The following PBX3 variants were observed in gnomAD, a reference collection of about 807,000 sequenced individuals.
PBX3 encodes pre-B-cell leukemia transcription factor 3.
Under a neutral mutation model 48.5 loss-of-function variants are expected in PBX3, and 14 were observed. The ratio of observed to expected loss-of-function variants is 0.29; its 90% CI spans 0.19 to 0.45. The LOEUF (loss-of-function observed/expected upper bound fraction) is 0.45, where lower values mean the gene tolerates loss of function less well. Among genes scored for constraint, PBX3 ranks in the 20% least tolerant of loss-of-function variants. The pLI is 1.00. For missense variants in PBX3, 386 were observed against 546.7 expected (o/e 0.71, Z 2.93); for synonymous variants, 210 against 200.3 (o/e 1.05, Z -0.41).
At chr9:125,916,053 G>A (rs73667298) in intron 3 of PBX3, 126 bp downstream of exon 3, 28,750 of 1,347,140 alleles carry the variant, frequency 0.021, 1,848 homozygotes, top group East Asian at 0.17. Flanking sequence ...AATAAGGTCA[G>A]TGCAAAAATC....
intron 2 of PBX3, among the ~76,000 whole-genome samples, chr9:125,872,597 A>G (rs1840151724): frequency 6.6e-6 from 1 of 151,926 alleles, no homozygotes; most frequent in South Asian, 2.1e-4. Flanking sequence ...CCATCTCACA[A>G]AAAAATTTTA....
intron 8 of PBX3, among the ~76,000 whole-genome samples, chr9:125,965,599 A>C (rs1842514252): frequency 6.6e-6 from 1 of 152,228 alleles, no homozygotes. Flanking sequence ...GCCTCGCTGA[A>C]GCCCTTCTTC....
chr9:125,790,074 T>C (rs1837557317), intron 2 of PBX3, among the ~76,000 whole-genome samples: 1 of 152,126 alleles, frequency 6.6e-6, no homozygotes, highest in South Asian at 2.1e-4. Context: ...TGCAAAGAAA[T>C]ACGTGGATTA....
intron 2 of PBX3, among the ~76,000 whole-genome samples, chr9:125,848,905 A>G (rs947706204): frequency 3.6e-4 from 55 of 152,018 alleles, no homozygotes; most frequent in African/African-American, 1.3e-3. Context: ...TCAAGTATCT[A>G]TTAGCTTTTA....
chr9:125,941,223 G>A (rs561177413), intron 5 of PBX3, among the ~76,000 whole-genome samples: 23 of 152,298 alleles, frequency 1.5e-4, no homozygotes, highest in Admixed American at 1.2e-3. Context: ...GAACATTCTA[G>A]CAGAGGGAAC....
chr9:125,796,930 A>C (rs984485726), intron 2 of PBX3, among the ~76,000 whole-genome samples: 1 of 152,116 alleles, frequency 6.6e-6, no homozygotes, highest in African/African-American at 2.4e-5. Context: ...CATATTTAAA[A>C]ATTTAGATTT....
chr9:125,775,257 ACTTTT>A (rs1360049782), intron 2 of PBX3, among the ~76,000 whole-genome samples: 3 of 152,134 alleles, frequency 2.0e-5, no homozygotes, highest in African/African-American at 7.2e-5. Context: ...CTGTGGTTTT[ACTTTT>A]CTTTTCTCTA....
intron 2 of PBX3, among the ~76,000 whole-genome samples, chr9:125,795,467 G>T (rs904162218): frequency 1.3e-5 from 2 of 152,122 alleles, no homozygotes; most frequent in Non-Finnish European, 2.9e-5. Flanking sequence ...ATATGCTCTA[G>T]AGTTAACCAT....
chr9:125,814,924 A>G (rs1451080587), intron 2 of PBX3, among the ~76,000 whole-genome samples: 1 of 152,188 alleles, frequency 6.6e-6, no homozygotes, highest in Non-Finnish European at 1.5e-5. Context: ...ACTATTCCCA[A>G]TTGCCATTCT....
chr9:125,766,270 A>G (rs182338062), intron 2 of PBX3, among the ~76,000 whole-genome samples: 159 of 152,246 alleles, frequency 1.0e-3, no homozygotes, highest in African/African-American at 3.7e-3. Context: ...TACAGTAACT[A>G]TATACATACA....
chr9:125,827,199 T>C (rs932013302), intron 2 of PBX3, among the ~76,000 whole-genome samples: 2 of 152,188 alleles, frequency 1.3e-5, no homozygotes, highest in African/African-American at 4.8e-5. Flanking sequence ...GAATTATTAG[T>C]GGTAATTCTG....
intron 2 of PBX3, among the ~76,000 whole-genome samples, chr9:125,860,371 G>A (rs1588230254): frequency 6.6e-6 from 1 of 152,338 alleles, no homozygotes; most frequent in East Asian, 1.9e-4. Flanking sequence ...CAGAGGGAGA[G>A]GAGAGTTGGA....
chr9:125,754,431 A>G (rs1836456137), intron 2 of PBX3, among the ~76,000 whole-genome samples: 2 of 152,040 alleles, frequency 1.3e-5, no homozygotes, highest in African/African-American at 4.8e-5. Flanking sequence ...AAATTGGTAA[A>G]AGTTTTTCAG....
intron 2 of PBX3, among the ~76,000 whole-genome samples, chr9:125,761,574 A>G (rs1836668744): frequency 6.6e-6 from 1 of 152,108 alleles, no homozygotes; most frequent in Non-Finnish European, 1.5e-5. Flanking sequence ...AACATTAGAG[A>G]AAAAGCTACA....
intron 3 of PBX3, among the ~76,000 whole-genome samples, chr9:125,918,327 T>C (rs1335011546): frequency 6.6e-6 from 1 of 152,238 alleles, no homozygotes; most frequent in Admixed American, 6.5e-5. Context: ...TGAGATTTTA[T>C]GTAACTTTAG....
intron 2 of PBX3, among the ~76,000 whole-genome samples, chr9:125,881,499 A>C (rs1840380813): frequency 6.6e-6 from 1 of 152,218 alleles, no homozygotes; most frequent in Admixed American, 6.5e-5. Flanking sequence ...AATTTAATTC[A>C]ATTTTACATC....
rs186358905 is a variant in PBX3 at position 125,912,218 on chromosome 9, A to T, written c.275-3468A>T. ...TTATAATTCAAAAGCTTGCCTATAT[A>T]TTAATGAACCCTTAATGAGCTGTTG... On this transcript the variant is annotated intron_variant, in intron 2 of 8. Coordinates refer to ENST00000373489, the MANE Select transcript of PBX3 (RefSeq NM_006195.6). 3.9e-5 allele frequency among the ~76,000 whole-genome samples: 6 copies of T among 152,288 alleles called. No homozygotes were observed. In the East Asian group the frequency reaches 1.2e-3, roughly 29 times the overall value.
intron 2 of PBX3, among the ~76,000 whole-genome samples, chr9:125,766,102 ACTAT>A (rs1836795093): frequency 6.6e-6 from 1 of 152,070 alleles, no homozygotes; most frequent in African/African-American, 2.4e-5. Context: ...GAGGGCAGGG[ACTAT>A]CTGTCATCTA....
chr9:125,887,524 CT>C (rs1840530053), intron 2 of PBX3, among the ~76,000 whole-genome samples: 1 of 152,154 alleles, frequency 6.6e-6, no homozygotes, highest in Non-Finnish European at 1.5e-5. Flanking sequence ...TGTTTTTTAA[CT>C]TTATGTTGCG....
Sources: allele counts gnomAD v4.1 joint callset (sites outside exome capture counted in the v4.1 genomes callset), GRCh38; gene constraint gnomAD v4.1.1; transcripts MANE v1.5; gene names NCBI Gene and HGNC (gene_info 2026-07-23, HGNC 2026-07-21).